The following TTC6 variants were observed in gnomAD, a reference collection of about 807,000 sequenced individuals.
TTC6 encodes the protein tetratricopeptide repeat domain 6, also known as tetratricopeptide repeat protein 6.
A neutral mutation model predicts 210.4 loss-of-function variants in TTC6; 172 were observed. The observed-to-expected ratio is 0.82, with a 90% confidence interval of 0.72 to 0.93. The LOEUF (loss-of-function observed/expected upper bound fraction) is 0.93, where lower values mean the gene tolerates loss of function less well. TTC6 is among the 40% of genes least tolerant of loss of function. The pLI, the probability that TTC6 is intolerant of heterozygous loss-of-function variation, is 0.00. For synonymous variants in TTC6, 804 were observed against 819.6 expected (o/e 0.98, Z 0.32); for missense variants, 2,414 against 2,318.1 (o/e 1.04, Z -0.85).
At chr14:37,841,035 AT>A (rs1200926082) in intron 29 of TTC6, among the ~76,000 whole-genome samples, 1 of 151,918 alleles carries the variant, frequency 6.6e-6, no homozygotes, top group Non-Finnish European at 1.5e-5. Context: ...TGCCCAGCTA[AT>A]TTTTGTATTT....
At chr14:37,797,103 C>G (rs2096094553) in intron 20 of TTC6, among the ~76,000 whole-genome samples, 156 bp downstream of exon 22, 1 of 152,006 alleles carries the variant, frequency 6.6e-6, no homozygotes, top group Non-Finnish European at 1.5e-5. Context: ...TTTGTGCCCC[C>G]TCTTAAGAAC....
chr14:37,728,513 T>C (rs2095878364), intron 7 of TTC6, among the ~76,000 whole-genome samples: 1 of 152,234 alleles, frequency 6.6e-6, no homozygotes, highest in Admixed American at 6.5e-5. Context: ...GTTTTGTCTC[T>C]TACTGATTTG....
intron 1 of TTC6, among the ~76,000 whole-genome samples, chr14:37,605,046 C>T (rs1594997273): frequency 6.6e-6 from 1 of 152,204 alleles, no homozygotes; most frequent in Non-Finnish European, 1.5e-5. Flanking sequence ...ATATTAAAGA[C>T]TTAAATGTTA....
chr14:37,681,855 T>C (rs1405265143), intron 2 of TTC6, among the ~76,000 whole-genome samples: 2 of 152,172 alleles, frequency 1.3e-5, no homozygotes, highest in Admixed American at 1.3e-4. Flanking sequence ...AAAAAAGATA[T>C]ATCCCTTGTA....
chr14:37,776,719 G>A (rs545015408), intron 14 of TTC6, among the ~76,000 whole-genome samples: 39 of 151,358 alleles, frequency 2.6e-4, no homozygotes, highest in African/African-American at 5.8e-4. Context: ...GTGAAACCCC[G>A]TCTCTACCAA....
rs75615002 is a variant in TTC6, at chr14:37,803,848, G to C, written c.4030-832G>C. 7.2e-5 allele frequency among the ~76,000 whole-genome samples: 11 copies of C among 152,216 alleles called. No homozygotes were observed. In the East Asian group the frequency reaches 2.1e-3, roughly 29 times the overall value. On this transcript the variant is annotated intron_variant, in intron 20 of 30. Coordinates refer to ENST00000553443, the Ensembl canonical transcript of TTC6. Reference sequence around the variant, plus strand: ...AGTGAGGACAGAAGGAGGGATGTTGGGTGGCTTGCAAACATATACAGCTAA... The same window carrying C: ...AGTGAGGACAGAAGGAGGGATGTTGCGTGGCTTGCAAACATATACAGCTAA...
At chr14:37,761,992 C>G (rs1241158014) in intron 14 of TTC6, among the ~76,000 whole-genome samples, 2 of 152,100 alleles carry the variant, frequency 1.3e-5, no homozygotes, top group Non-Finnish European at 2.9e-5. Context: ...TTCATAACAC[C>G]CAACCTCTAA....
At chr14:37,707,017 T>G (rs2095836857) in intron 5 of TTC6, among the ~76,000 whole-genome samples, 1 of 152,094 alleles carries the variant, frequency 6.6e-6, no homozygotes, top group Non-Finnish European at 1.5e-5. Flanking sequence ...CTTTTTTGCT[T>G]CTTTGCTATT....
chr14:37,826,089 C>T (rs1276202329), intron 27 of TTC6, 106 bp from the exon 30 acceptor site: 7 of 1,157,338 alleles, frequency 6.0e-6, no homozygotes, highest in Non-Finnish European at 8.3e-6. Flanking sequence ...TTTAGCATGG[C>T]ATAAATATAC....
At chr14:37,665,838 A>G (rs1394139429) in intron 1 of TTC6, among the ~76,000 whole-genome samples, 1 of 150,324 alleles carries the variant, frequency 6.7e-6, no homozygotes, top group East Asian at 1.9e-4. Context: ...TTGTGATGAG[A>G]TACTCAGACT....
chr14:37,670,474 C>CTTT (rs66725764), intron 1 of TTC6, among the ~76,000 whole-genome samples: 11 of 121,322 alleles, frequency 9.1e-5, no homozygotes, highest in East Asian at 5.0e-4. Context: ...AACTACCTCA[C>CTTT]TTTTTTTTTT....
At chr14:37,806,249 CA>C in intron 21 of TTC6, 111 bp from the exon 24 acceptor site, 1 of 1,142,068 alleles carries the variant, frequency 8.8e-7, no homozygotes, top group African/African-American at 1.6e-5. Context: ...TAAAATAATC[CA>C]AAAATAGAGT....
At chr14:37,750,239 G>T (rs964876866) in intron 12 of TTC6, among the ~76,000 whole-genome samples, 2 of 152,086 alleles carry the variant, frequency 1.3e-5, no homozygotes, top group African/African-American at 4.8e-5. Flanking sequence ...CTATATCTTT[G>T]CTCTTATGTA....
At chr14:37,697,862 A>T (rs1287103928) in intron 4 of TTC6, among the ~76,000 whole-genome samples, 1 of 152,116 alleles carries the variant, frequency 6.6e-6, no homozygotes, top group Non-Finnish European at 1.5e-5. Context: ...TTTCTAAAAA[A>T]CCTTGCATTT....
upstream of TTC6, among the ~76,000 whole-genome samples, chr14:37,619,895 A>G (rs1165944965): frequency 6.6e-6 from 1 of 152,072 alleles, no homozygotes; most frequent in Admixed American, 6.5e-5. Flanking sequence ...CTGGCATGAA[A>G]CCAAACCAGT....
chr14:37,737,595 A>G (rs1485292672), intron 8 of TTC6, 65 bp from the exon 11 acceptor site: 22 of 894,366 alleles, frequency 2.5e-5, no homozygotes, highest in South Asian at 8.4e-5. Flanking sequence ...GCCAAGTATT[A>G]TATATTTTAG....
At chr14:37,641,041 T>C (rs2139383894) in intron 1 of TTC6, among the ~76,000 whole-genome samples, 1 of 152,344 alleles carries the variant, frequency 6.6e-6, no homozygotes, top group South Asian at 2.1e-4. Context: ...GATTTTCATT[T>C]ATTGAGTGTA....
At chr14:37,785,807 G>T (rs1380555853) in intron 14 of TTC6, among the ~76,000 whole-genome samples, 1 of 152,148 alleles carries the variant, frequency 6.6e-6, no homozygotes, top group East Asian at 1.9e-4. Context: ...AGGTTTTGGT[G>T]TGGATGTCCT....
intron 2 of TTC6, among the ~76,000 whole-genome samples, chr14:37,608,351 C>T (rs750930587): frequency 1.1e-4 from 17 of 151,722 alleles, no homozygotes; most frequent in African/African-American, 3.4e-4. Flanking sequence ...ATTGTGGCAC[C>T]GAGGCTGGAG....
Sources: gnomAD v4.1 joint callset for allele counts (sites outside exome capture counted in the v4.1 genomes callset) on GRCh38, gnomAD v4.1.1 for gene constraint, MANE v1.5 for transcripts, NCBI Gene and HGNC (gene_info 2026-07-23, HGNC 2026-07-21) for gene names.